HCRTR2: variants seen among roughly 807,000 people sequenced by gnomAD.
The protein encoded by HCRTR2 is orexin receptor type 2.
A neutral mutation model predicts 49.0 loss-of-function variants in HCRTR2; 22 were observed. The observed-to-expected ratio is 0.45, with a 90% CI of 0.32 to 0.64. HCRTR2 has a LOEUF of 0.64. HCRTR2 is among the 30% of genes least tolerant of loss of function. The pLI is 0.04. For synonymous variants in HCRTR2, 236 were observed against 205.3 expected (o/e 1.15, Z -1.28); for missense variants, 491 against 559.4 (o/e 0.88, Z 1.23).
At chr6:55,186,465 C>T (rs1395668193) in intron 1 of HCRTR2, among the ~76,000 whole-genome samples, 1 of 152,126 alleles carries the variant, frequency 6.6e-6, no homozygotes, top group African/African-American at 2.4e-5. Context: ...ACTGAGATCT[C>T]CTTGACATGA....
In HCRTR2 at chr6:55,155,107, C is replaced by T. The variant is rs1198244761; in HGVS notation, c.-377-19104C>T. On this transcript the variant is annotated intron_variant, in intron 1 of 7. Coordinates refer to the HCRTR2 transcript ENST00000615358. The stretch of plus-strand genomic sequence containing the variant: ...ACAATAAATGGAAGATATTCCATGC[C>T]ATGGTTTGGAAGAATTAATATTGCT... 2.6e-5 allele frequency among the ~76,000 whole-genome samples: 4 copies of T among 151,666 alleles called. 1 individual carries two copies. The highest frequency in any genetic ancestry group is 3.0e-5 in the Non-Finnish European group (2 of 67,780).
At chr6:55,147,234 G>A (rs575390607) in intron 1 of HCRTR2, among the ~76,000 whole-genome samples, 1 of 151,588 alleles carries the variant, frequency 6.6e-6, no homozygotes, top group East Asian at 1.9e-4. Flanking sequence ...ATTCATATTT[G>A]GATAAAAGTA....
At chr6:55,235,375 C>G (rs1562016773) in intron 1 of HCRTR2, among the ~76,000 whole-genome samples, 1 of 152,104 alleles carries the variant, frequency 6.6e-6, no homozygotes, top group Non-Finnish European at 1.5e-5. Context: ...GTGGCAACAA[C>G]AAAGCCCATT....
rs899332518 is a variant in HCRTR2 at position 55,258,621 on chromosome 6, C to A, written c.646+3242C>A. Among the ~76,000 whole-genome samples the A allele has an allele frequency of 1.2e-4, 19 of 152,050 alleles. No individual in the cohort carries two copies. In the East Asian group the frequency reaches 2.1e-3, roughly 17 times the overall value. ...ATAATGTAAATACTTATTTTAATAA[C>A]CTTTAAAATATACATTTGTATGTGT... On this transcript the variant is annotated intron_variant, in intron 3 of 6. Transcript: ENST00000370862.
upstream of HCRTR2, among the ~76,000 whole-genome samples, chr6:55,170,515 C>A (rs541021847): frequency 8.6e-4 from 131 of 151,960 alleles, 1 homozygote; most frequent in Non-Finnish European, 1.2e-3. Context: ...CTATCATTAA[C>A]ACAGAGTAAT....
At chr6:55,121,885 G>A (rs930879549) in intron 1 of HCRTR2, among the ~76,000 whole-genome samples, 2 of 151,998 alleles carry the variant, frequency 1.3e-5, no homozygotes, top group African/African-American at 4.8e-5. Context: ...GAGGATTTTT[G>A]CATCGATGTT....
intron 1 of HCRTR2, among the ~76,000 whole-genome samples, chr6:55,160,699 A>C (rs1764793480): frequency 6.6e-6 from 1 of 152,356 alleles, no homozygotes; most frequent in Middle Eastern, 3.4e-3. Flanking sequence ...TCTCTGATAA[A>C]ATAGACTTCA....
At chr6:55,188,165 T>C (rs1240186907) in intron 1 of HCRTR2, among the ~76,000 whole-genome samples, 1 of 152,194 alleles carries the variant, frequency 6.6e-6, no homozygotes, top group African/African-American at 2.4e-5. Context: ...TGAAAAAATA[T>C]GACCTGTGGG....
chr6:55,117,136 A>G (rs1437706992), intron 1 of HCRTR2, among the ~76,000 whole-genome samples: 3 of 151,832 alleles, frequency 2.0e-5, no homozygotes, highest in African/African-American at 7.2e-5. Flanking sequence ...AGTGTCTGGA[A>G]TATGATCCAT....
intron 1 of HCRTR2, among the ~76,000 whole-genome samples, chr6:55,232,305 A>G (rs1766131006): frequency 6.6e-6 from 1 of 152,146 alleles, no homozygotes; most frequent in South Asian, 2.1e-4. Context: ...CACAATTCCT[A>G]ATTTATTGAG....
At chr6:55,278,746 A>ATTG (rs2127332785) in intron 5 of HCRTR2, among the ~76,000 whole-genome samples, 1 of 146,030 alleles carries the variant, frequency 6.8e-6, no homozygotes, top group Non-Finnish European at 1.5e-5. Flanking sequence ...TATTATTATT[A>ATTG]TTATTATTAT....
intron 1 of HCRTR2, among the ~76,000 whole-genome samples, chr6:55,154,275 G>C (rs935768964): frequency 1.1e-4 from 16 of 151,794 alleles, no homozygotes; most frequent in African/African-American, 3.9e-4. Flanking sequence ...CATTTTATGA[G>C]GCCAGCATTA....
intron 1 of HCRTR2, among the ~76,000 whole-genome samples, chr6:55,181,621 G>C (rs1765135643): frequency 6.6e-6 from 1 of 152,038 alleles, no homozygotes; most frequent in African/African-American, 2.4e-5. Flanking sequence ...AACATTATGA[G>C]GTAGGTCTTT....
intron 1 of HCRTR2, among the ~76,000 whole-genome samples, chr6:55,158,457 C>T (rs1764760319): frequency 6.6e-6 from 1 of 152,130 alleles, no homozygotes; most frequent in Admixed American, 6.5e-5. Context: ...TGAGACAGAA[C>T]CATTCACTCT....
intron 1 of HCRTR2, among the ~76,000 whole-genome samples, chr6:55,196,843 G>C (rs549749114): frequency 6.6e-6 from 1 of 152,258 alleles, no homozygotes; most frequent in South Asian, 2.1e-4. Flanking sequence ...GTAGAGATTA[G>C]AGTGAGGATG....
chr6:55,230,324 C>T (rs1766090041), intron 1 of HCRTR2, among the ~76,000 whole-genome samples: 1 of 152,108 alleles, frequency 6.6e-6, no homozygotes, highest in African/African-American at 2.4e-5. Context: ...ACTAATGCCT[C>T]TAATAATAAT....
intron 1 of HCRTR2, among the ~76,000 whole-genome samples, chr6:55,147,664 T>A (rs149703592): frequency 6.2e-4 from 95 of 152,338 alleles, no homozygotes; most frequent in African/African-American, 2.1e-3. Context: ...ATTTTGATGA[T>A]CTGTCGGGTG....
chr6:55,237,879 C>T (rs1166340518), intron 1 of HCRTR2, among the ~76,000 whole-genome samples: 2 of 152,150 alleles, frequency 1.3e-5, no homozygotes, highest in African/African-American at 2.4e-5. Context: ...TATTCTCAAC[C>T]AGGAGTATGT....
At chr6:55,277,311 T>C in intron 4 of HCRTR2, 69 bp from the exon 5 acceptor site, 1 of 1,331,642 alleles carries the variant, frequency 7.5e-7, no homozygotes, top group Non-Finnish European at 1.1e-6. Flanking sequence ...CTGTGTTTTC[T>C]AATTACTTCC....
Sources: gnomAD v4.1 joint callset for allele counts (sites outside exome capture counted in the v4.1 genomes callset) on GRCh38, gnomAD v4.1.1 for gene constraint, MANE v1.5 for transcripts, NCBI Gene and HGNC (gene_info 2026-07-23, HGNC 2026-07-21) for gene names.